The following CPAMD8 variants were observed in gnomAD, a reference collection of about 807,000 sequenced individuals.
The protein encoded by CPAMD8 is C3 and PZP-like alpha-2-macroglobulin domain-containing protein 8.
In CPAMD8, 146 loss-of-function variants were observed where a neutral mutation model predicts 224.7. The ratio of observed to expected loss-of-function variants is 0.65; its 90% CI spans 0.57 to 0.75. The LOEUF is 0.75. Among genes scored for constraint, CPAMD8 ranks in the 30% least tolerant of loss-of-function variants. The pLI is 0.00. For missense variants in CPAMD8, 2,301 were observed against 2,537.5 expected, an observed-to-expected ratio of 0.91 and a Z score of 2.00; for synonymous variants, 966 against 1,044.6, an observed-to-expected ratio of 0.92 and a Z score of 1.45.
intron 13 of CPAMD8, among the ~76,000 whole-genome samples, chr19:16,982,297 G>A (rs1199301551): frequency 6.6e-6 from 1 of 151,968 alleles, no homozygotes; most frequent in Non-Finnish European, 1.5e-5. Flanking sequence ...GGAAGCTAAG[G>A]CGGAAGGATC....
chr19:16,997,379 G>A (rs1212514589), intron 10 of CPAMD8, 41 bp from the exon 11 acceptor site: 13 of 1,221,296 alleles, frequency 1.1e-5, no homozygotes, highest in Non-Finnish European at 1.5e-5. Flanking sequence ...ACTCAGGGTT[G>A]GAGTGTCTTT....
intron 13 of CPAMD8, among the ~76,000 whole-genome samples, chr19:16,989,301 CT>C (rs1356830550): frequency 6.6e-6 from 1 of 151,972 alleles, no homozygotes; most frequent in African/African-American, 2.4e-5. Context: ...CATGCTGTGT[CT>C]TTTTTGAGGA....
At chr19:16,980,886 C>T (rs868042716) in intron 13 of CPAMD8, among the ~76,000 whole-genome samples, 200 bp from the exon 14 acceptor site, 1 of 152,038 alleles carries the variant, frequency 6.6e-6, no homozygotes, top group Non-Finnish European at 1.5e-5. Context: ...CCCAGGCTGG[C>T]ATGCGATGGT....
intron 34 of CPAMD8, 151 bp downstream of exon 34, chr19:16,903,410 C>A: frequency 8.9e-7 from 1 of 1,117,756 alleles, no homozygotes; most frequent in Non-Finnish European, 1.3e-6. Flanking sequence ...CTGCCTTGGG[C>A]AGTATTAGAA....
chr19:17,007,599 C>T (rs1423321079), intron 7 of CPAMD8, among the ~76,000 whole-genome samples: 1 of 152,034 alleles, frequency 6.6e-6, no homozygotes, highest in Non-Finnish European at 1.5e-5. Flanking sequence ...CCAACAGACC[C>T]CCGTGATCCT....
chr19:16,945,786 T>TGTGTGC (rs1416678679), intron 21 of CPAMD8, 107 bp from the exon 22 acceptor site: 2 of 947,174 alleles, frequency 2.1e-6, no homozygotes, highest in African/African-American at 3.2e-5. Context: ...CATGTGTGTG[T>TGTGTGC]GTGTGCATGT....
intron 15 of CPAMD8, among the ~76,000 whole-genome samples, chr19:16,976,712 G>T (rs2055286762): frequency 6.6e-6 from 1 of 151,872 alleles, no homozygotes; most frequent in East Asian, 1.9e-4. Context: ...TGGGAAGGCA[G>T]GTGCTGGCGG....
At chr19:16,895,884 TGCGCGC>T in intron 41 of CPAMD8, 2 of 528,350 alleles carry the variant, frequency 3.8e-6, no homozygotes, top group East Asian at 4.2e-5. Context: ...TTGACCCGTA[TGCGCGC>T]GCGCGCGCGC....
At chr19:16,933,711 G>A (rs1307340529) in intron 23 of CPAMD8, among the ~76,000 whole-genome samples, 6 of 152,130 alleles carry the variant, frequency 3.9e-5, no homozygotes, top group African/African-American at 1.4e-4. Context: ...GGATGGGGAG[G>A]AAATGGAACT....
chr19:17,014,502 C>T (rs544811274), intron 3 of CPAMD8, among the ~76,000 whole-genome samples: 16 of 152,158 alleles, frequency 1.1e-4, no homozygotes, highest in African/African-American at 3.1e-4. Context: ...AAGACATACC[C>T]GAGACTGGGT....
chr19:16,995,690 C>A (rs1568576697), intron 11 of CPAMD8, among the ~76,000 whole-genome samples: 1 of 152,142 alleles, frequency 6.6e-6, no homozygotes, highest in Non-Finnish European at 1.5e-5. Flanking sequence ...CATGAGCCAC[C>A]GTGCCCAGCC....
rs762675949 is a variant in CPAMD8, at chr19:16,993,469, C to T, written c.1213G>A (p.Val405Met). ...GGGATGGAGGGGATTTCAAACCCCA[C>T]TAGTCCACGCTGGGACACAACTTCA... ...TSEVVSQRGL[V>M]GFEIPSIPTS... Residue 405 changes from valine (V) to methionine (M), a missense_variant, in exon 12 of 42, where the codon GTG (valine) becomes ATG (methionine). Val to Met is a conservative substitution (Grantham distance 21). This residue lies in a region of CPAMD8 where 301 missense variants were observed against 406.6 expected (regional missense o/e 0.74). Coordinates refer to ENST00000443236, the MANE Select transcript of CPAMD8 (RefSeq NM_015692.5). 2.0e-5 allele frequency: 33 copies of T among 1,613,904 alleles called. No homozygotes were observed. In the African/African-American group the frequency reaches 4.0e-4, roughly 20 times the overall value.
intron 5 of CPAMD8, among the ~76,000 whole-genome samples, chr19:17,011,065 G>A (rs1392873851): frequency 6.6e-6 from 1 of 151,932 alleles, no homozygotes; most frequent in South Asian, 2.1e-4. Flanking sequence ...GTGGTGGTGG[G>A]CACCTATAAT....
intron 4 of CPAMD8, 37 bp from the exon 5 acceptor site, chr19:17,011,553 C>G: frequency 6.2e-7 from 1 of 1,614,192 alleles, no homozygotes; most frequent in Non-Finnish European, 8.5e-7. Context: ...CACCTCCAGA[C>G]CATGGCCGGC....
chr19:16,979,386 T>C (rs372561517), intron 14 of CPAMD8, among the ~76,000 whole-genome samples: 15 of 133,550 alleles, frequency 1.1e-4, no homozygotes, highest in South Asian at 9.9e-4. Flanking sequence ...ATCTGTCCAT[T>C]CATCCATCCA....
At chr19:17,004,534 G>A in intron 7 of CPAMD8, 148 bp from the exon 8 acceptor site, 1 of 598,384 alleles carries the variant, frequency 1.7e-6, no homozygotes, top group Non-Finnish European at 3.0e-6. Context: ...CGGGGTCTGT[G>A]CAGAGCAGCA....
intron 23 of CPAMD8, among the ~76,000 whole-genome samples, chr19:16,932,207 G>A (rs900442436): frequency 6.6e-6 from 1 of 152,288 alleles, no homozygotes; most frequent in Non-Finnish European, 1.5e-5. Context: ...GGCAGGTGAG[G>A]CCAGGCATTC....
chr19:16,904,308 A>G lies in CPAMD8; in HGVS notation c.4169T>C (p.Leu1390Pro), dbSNP rs1184661540. 3 of 1,613,564 alleles carry G rather than the reference A, an allele frequency of 1.9e-6. No individual in the cohort carries two copies. In the South Asian group the frequency reaches 3.3e-5, roughly 18 times the overall value. The change falls in exon 32 of 42, where the codon CTG (leucine) becomes CCG (proline). Residue 1390 changes from leucine (L) to proline (P), a missense_variant. By Grantham distance (98) the Leu-to-Pro change is moderately conservative. Transcript: ENST00000443236. ...TAYALLTYTL[L>P]GDVAAALPVV... is the part of the protein sequence containing the mutation. ...AGGCAGGGCGGCAGCCACGTCACCC[A>G]GCAGAGTGTAGGTCAGAAGGGCGTA...
At chr19:16,972,502 G>A (rs1338648352) in intron 17 of CPAMD8, among the ~76,000 whole-genome samples, 6 of 151,770 alleles carry the variant, frequency 4.0e-5, no homozygotes, top group Non-Finnish European at 8.8e-5. Context: ...GCGCGATCTC[G>A]GCTCACTGTA....
Sources: allele counts gnomAD v4.1 joint callset (sites outside exome capture counted in the v4.1 genomes callset), GRCh38; gene constraint gnomAD v4.1.1; regional missense constraint gnomAD v4.1.1; transcripts MANE v1.5; gene names NCBI Gene and HGNC (gene_info 2026-07-23, HGNC 2026-07-21).